The following FLNB variants were observed in gnomAD, a reference collection of about 807,000 sequenced individuals.
FLNB encodes filamin-B.
Under a neutral mutation model 250.6 loss-of-function variants are expected in FLNB, and 111 were observed. The ratio of observed to expected loss-of-function variants is 0.44; its 90% CI spans 0.38 to 0.52. The LOEUF is 0.52. Ranked by LOEUF, FLNB falls within the 20% of genes least tolerant of loss-of-function variation. The pLI is 0.00. For synonymous variants in FLNB, 1,302 were observed against 1,372.1 expected, an observed-to-expected ratio of 0.95 and a Z score of 1.13; for missense variants, 2,869 against 3,447.8, an observed-to-expected ratio of 0.83 and a Z score of 4.20.
At position 58,149,700 on chromosome 3, in the gene FLNB, T is replaced by C. The variant is rs2097341613; in HGVS notation, c.6092-150T>C. 12 of 939,580 alleles carry C rather than the reference T, an allele frequency of 1.3e-5. No individual in the cohort carries two copies. In the South Asian group the frequency reaches 1.8e-4, roughly 14 times the overall value. 58.2% of individuals were successfully genotyped at this position (939,580 alleles called of 1,614,324 possible). ...AGGACGCTTAACCTACTCATCCCCC[T>C]CTGGGCTTTGCAAACGAGGCCGCCA... On this transcript the variant is annotated intron_variant, in intron 36 of 45. Transcript: ENST00000295956.
chr3:58,141,881 C>T lies in FLNB; in HGVS notation c.5133C>T (p.Ala1711=), dbSNP rs376175135. 6.8e-6 allele frequency: 11 copies of T among 1,614,148 alleles called. No individual in the cohort carries two copies. The highest frequency in any genetic ancestry group is 3.4e-6 in the Non-Finnish European group (4 of 1,180,012). ...TVMATDGEVT[A]VEEAPVNACP... Reference sequence around the variant, plus strand: ...AGGCCACAGATGGGGAAGTCACAGCCGTGGAGGAGGCACCGGTAAATGCAT... The same window carrying T: ...AGGCCACAGATGGGGAAGTCACAGCTGTGGAGGAGGCACCGGTAAATGCAT... Residue 1711 remains alanine (A), a synonymous_variant, in exon 30 of 46, where the codon GCC becomes GCT. Transcript: ENST00000295956.
intron 4 of FLNB, among the ~76,000 whole-genome samples, chr3:58,091,795 A>G (rs529234870): frequency 2.7e-4 from 41 of 152,334 alleles, no homozygotes; most frequent in African/African-American, 9.4e-4. Flanking sequence ...CTGTCCTGCA[A>G]GACAAGCTGT....
intron 1 of FLNB, among the ~76,000 whole-genome samples, chr3:58,033,813 A>G (rs2097134277): frequency 2.0e-5 from 3 of 152,176 alleles, no homozygotes; most frequent in African/African-American, 7.2e-5. Flanking sequence ...TGGATATACT[A>G]CATTTTGTTT....
At chr3:58,016,539 A>G (rs1011809907) in intron 1 of FLNB, among the ~76,000 whole-genome samples, 1 of 151,064 alleles carries the variant, frequency 6.6e-6, no homozygotes, top group Admixed American at 6.6e-5. Context: ...GTCAATTTGT[A>G]TATTAAATAT....
At chr3:58,167,875 G>T (rs879885084) in intron 43 of FLNB, among the ~76,000 whole-genome samples, 8 of 152,282 alleles carry the variant, frequency 5.3e-5, no homozygotes, top group Non-Finnish European at 1.2e-4. Flanking sequence ...AGCGGGAGCT[G>T]CTGTTCTGTT....
chr3:58,085,711 T>C (rs1434218539), intron 4 of FLNB, among the ~76,000 whole-genome samples: 1 of 152,138 alleles, frequency 6.6e-6, no homozygotes, highest in Non-Finnish European at 1.5e-5. Flanking sequence ...TTTGTAAAAA[T>C]CTAGTTCTCT....
At chr3:58,139,270 C>T (rs558020374) in intron 29 of FLNB, among the ~76,000 whole-genome samples, 4 of 152,150 alleles carry the variant, frequency 2.6e-5, no homozygotes, top group Non-Finnish European at 4.4e-5. Flanking sequence ...AACCAAGCAT[C>T]GTTGGCTTTT....
intron 20 of FLNB, among the ~76,000 whole-genome samples, chr3:58,122,829 A>G (rs1227224157): frequency 3.3e-5 from 5 of 152,170 alleles, no homozygotes; most frequent in Non-Finnish European, 7.4e-5. Context: ...CAGGTTGGGT[A>G]GGAGAGAGGA....
chr3:58,111,774 C>T lies in FLNB; in HGVS notation c.2485-17C>T, dbSNP rs749705854. 2.2e-5 allele frequency: 35 copies of T among 1,600,330 alleles called. No individual in the cohort carries two copies. The Middle Eastern group carries it at 8.3e-4, about 38-fold the overall frequency. On this transcript the variant is annotated splice_polypyrimidine_tract_variant and intron_variant, in intron 16 of 45. Transcript: ENST00000295956. Reference sequence around the variant, plus strand: ...TGCTTCAGGGGCTTTCCTACTAAGACTGTGTCTCTGCTACAGGAAATCCCC... The same window carrying T: ...TGCTTCAGGGGCTTTCCTACTAAGATTGTGTCTCTGCTACAGGAAATCCCC...
intron 41 of FLNB, among the ~76,000 whole-genome samples, chr3:58,158,525 A>C (rs1413171388): frequency 6.6e-6 from 1 of 152,198 alleles, no homozygotes; most frequent in African/African-American, 2.4e-5. Context: ...TAAGATCCCC[A>C]GATGGTTTGC....
intron 19 of FLNB, 150 bp downstream of exon 19, chr3:58,119,139 C>T (rs935422525): frequency 8.4e-6 from 6 of 713,658 alleles, no homozygotes; most frequent in African/African-American, 3.5e-5. Context: ...GAATTAAGGC[C>T]GTGGTGTGAA....
chr3:58,052,733 C>T (rs910321813), intron 1 of FLNB, among the ~76,000 whole-genome samples: 1 of 152,198 alleles, frequency 6.6e-6, no homozygotes, highest in Non-Finnish European at 1.5e-5. Context: ...CAAGTGACTT[C>T]AGTGCTGGGC....
Position 58,154,810 on chromosome 3 carries a change from C to G in FLNB, c.6654C>G (p.Thr2218=). The G allele has an allele frequency of 6.2e-7, 1 of 1,613,978 alleles. No individual in the cohort carries two copies. Among genetic ancestry groups the G allele is most frequent in the Non-Finnish European group, 8.5e-7 (1 of 1,179,988 alleles). The change falls in exon 40 of 46, where the codon ACC becomes ACG. Residue 2218 remains threonine (T), a synonymous_variant. Coordinates refer to ENST00000295956, the MANE Select transcript of FLNB (RefSeq NM_001457.4). ...TCTCAGCTGAGTTCAGCATTTGGAC[C>G]CGGGAAGCAGGCGCTGGAGGCCTCT... ...AGVPAEFSIW[T]REAGAGGLSI...
chr3:58,058,459 C>T (rs76619909), intron 1 of FLNB, among the ~76,000 whole-genome samples: 1 of 152,122 alleles, frequency 6.6e-6, no homozygotes, highest in East Asian at 1.9e-4. Flanking sequence ...CTAAAGGAAA[C>T]CTAGAAAGGA....
intron 1 of FLNB, among the ~76,000 whole-genome samples, chr3:58,036,611 GA>G (rs2097138454): frequency 6.6e-6 from 1 of 152,204 alleles, no homozygotes; most frequent in Non-Finnish European, 1.5e-5. Flanking sequence ...GTTATCTCCA[GA>G]AGCAATTTGT....
rs1416959814 is a variant in FLNB at position 58,108,533 on chromosome 3, A to G, written c.2017A>G (p.Lys673Glu). The change falls in exon 13 of 46, where the codon AAG (lysine) becomes GAG (glutamate). Residue 673 changes from lysine to glutamate, a missense_variant. By Grantham distance (56) the Lys-to-Glu change is moderately conservative. Transcript: ENST00000295956. ...NNLAEFTVDP[K>E]DAGKAPLKIF... ...CCTGGCCGAGTTCACTGTGGATCCT[A>G]AGGATGCTGGAAAAGCTCCCTTAAA... 1 of 1,613,990 alleles carries G rather than the reference A, an allele frequency of 6.2e-7. No individual in the cohort carries two copies. The highest frequency in any genetic ancestry group is 8.5e-7 in the Non-Finnish European group (1 of 1,179,858).
intron 42 of FLNB, among the ~76,000 whole-genome samples, chr3:58,160,199 G>A (rs1365664089): frequency 6.6e-6 from 1 of 151,928 alleles, no homozygotes; most frequent in Non-Finnish European, 1.5e-5. Context: ...TTGACCTTAT[G>A]GCACGAGTAA....
intron 1 of FLNB, among the ~76,000 whole-genome samples, chr3:58,020,688 GC>G (rs1353199916): frequency 2.0e-5 from 3 of 147,912 alleles, no homozygotes; most frequent in Non-Finnish European, 4.4e-5. Context: ...CCTTTACCAT[GC>G]CAGACAAGTT....
chr3:58,081,632 A>C lies in FLNB; in HGVS notation c.643A>C (p.Ile215Leu). ...ADDWLGVPQVITPEEIIHPDV... is the reference protein window; with the variant it reads ...ADDWLGVPQVLTPEEIIHPDV... ...ATCCACCATGTCATTATCCTAGGTCATCACTCCTGAAGAAATCATTCACCC... is the reference window on the plus strand; with the variant it reads ...ATCCACCATGTCATTATCCTAGGTCCTCACTCCTGAAGAAATCATTCACCC... Residue 215 changes from isoleucine to leucine, a missense_variant, in exon 4 of 46, where the codon ATC becomes CTC. Ile to Leu is a conservative substitution (Grantham distance 5, BLOSUM62 2). Transcript: ENST00000295956. 1.9e-6 allele frequency: 3 copies of C among 1,614,094 alleles called. No individual in the cohort carries two copies. Among genetic ancestry groups the C allele is most frequent in the Non-Finnish European group, 2.5e-6 (3 of 1,179,968 alleles).
Sources: allele counts gnomAD v4.1 joint callset (sites outside exome capture counted in the v4.1 genomes callset), GRCh38; gene constraint gnomAD v4.1.1; transcripts MANE v1.5; gene names NCBI Gene and HGNC (gene_info 2026-07-23, HGNC 2026-07-21).